Variants in PCCB observed in about 807,000 individuals in gnomAD.
The protein encoded by PCCB is propionyl-CoA carboxylase subunit beta, also known as propionyl-CoA carboxylase beta chain, mitochondrial.
In PCCB, 43 loss-of-function variants were observed where a neutral mutation model predicts 60.7. The ratio of observed to expected loss-of-function variants is 0.71; its 90% CI spans 0.55 to 0.91. PCCB has a LOEUF of 0.91. Among genes scored for constraint, PCCB ranks in the 40% least tolerant of loss-of-function variants. The pLI, the probability that PCCB is intolerant of heterozygous loss-of-function variation, is 0.00. For synonymous variants in PCCB, 276 were observed against 255.9 expected, an observed-to-expected ratio of 1.08 and a Z score of -0.75; for missense variants, 766 against 702.8, an observed-to-expected ratio of 1.09 and a Z score of -1.02.
intron 10 of PCCB, chr3:136,326,393 A>G (rs1389981653): frequency 2.8e-6 from 2 of 702,818 alleles, no homozygotes; most frequent in Non-Finnish European, 2.6e-6. Flanking sequence ...CAGGTAAGGA[A>G]CCTTAGGTCA....
chr3:136,276,896 A>G (rs1342050050), intron 5 of PCCB, among the ~76,000 whole-genome samples: 15 of 152,312 alleles, frequency 9.8e-5, no homozygotes, highest in African/African-American at 3.6e-4. Context: ...CTTTTGTCCC[A>G]TGGGGTATTC....
rs113283780 is a variant in PCCB, at chr3:136,283,652, A to G, written c.544-185A>G. Among the ~76,000 whole-genome samples, 615 of 152,302 alleles carry G rather than the reference A, an allele frequency of 4.0e-3. 1 individual carries two copies. Among genetic ancestry groups the G allele is most frequent in the Non-Finnish European group, 6.1e-3 (417 of 68,026 alleles). ...CAGAAAGTAATATGCTGACCATCCT[A>G]CCAGTTACGGGGAGAAAATGCACAT... On this transcript the variant is annotated intron_variant, in intron 5 of 14. Transcript: ENST00000251654.
At chr3:136,255,804 C>A in intron 1 of PCCB, 52 bp from the exon 2 acceptor site, 2 of 1,538,530 alleles carry the variant, frequency 1.3e-6, no homozygotes, top group Non-Finnish European at 1.8e-6. Context: ...CCTTGCTTTG[C>A]TTACTAAATT....
At chr3:136,311,774 A>G (rs764053046) in intron 9 of PCCB, among the ~76,000 whole-genome samples, 16 of 152,318 alleles carry the variant, frequency 1.1e-4, no homozygotes, top group African/African-American at 3.6e-4. Context: ...ATCCTGGGCA[A>G]CATAGTGAGA....
intron 5 of PCCB, among the ~76,000 whole-genome samples, chr3:136,263,254 G>GGT (rs372863955): frequency 4.8e-5 from 6 of 125,940 alleles, no homozygotes; most frequent in East Asian, 2.3e-4. Flanking sequence ...CGCCCAGCTG[G>GGT]TTTTTTTTTT....
chr3:136,309,098 A>C (rs1424310694), intron 9 of PCCB, among the ~76,000 whole-genome samples: 2 of 151,970 alleles, frequency 1.3e-5, no homozygotes, highest in African/African-American at 4.8e-5. Context: ...CCCCGTCTCT[A>C]CTAAAATACA....
intron 6 of PCCB, among the ~76,000 whole-genome samples, chr3:136,286,661 ACTT>A (rs1933425263): frequency 6.6e-6 from 1 of 152,108 alleles, no homozygotes; most frequent in African/African-American, 2.4e-5. Flanking sequence ...ACGACTACTT[ACTT>A]CTTACTAACA....
chr3:136,323,581 C>T (rs185200340), intron 10 of PCCB, among the ~76,000 whole-genome samples: 6 of 152,148 alleles, frequency 3.9e-5, no homozygotes, highest in East Asian at 1.9e-4. Context: ...GTCAAGAGTT[C>T]GAGACCAACC....
intron 9 of PCCB, among the ~76,000 whole-genome samples, chr3:136,308,077 A>G (rs1349193824): frequency 1.3e-5 from 2 of 152,158 alleles, no homozygotes; most frequent in African/African-American, 4.8e-5. Flanking sequence ...CTAATTTGTT[A>G]TGGACCAATT....
intron 6 of PCCB, among the ~76,000 whole-genome samples, chr3:136,288,415 A>G (rs9843348): frequency 0.37 from 56,474 of 151,614 alleles, 11,595 homozygotes; most frequent in African/African-American, 0.55. Context: ...GTGTGATCTC[A>G]GCTCACTGCA....
rs566237099 is a variant in PCCB, at chr3:136,274,592, A to G, written c.544-9245A>G. Among the ~76,000 whole-genome samples, 10 of 152,264 alleles carry G rather than the reference A, an allele frequency of 6.6e-5. No individual in the cohort carries two copies. The South Asian group carries it at 1.4e-3, about 22-fold the overall frequency. On this transcript the variant is annotated intron_variant, in intron 5 of 14. Coordinates refer to ENST00000251654, the MANE Select transcript of PCCB (RefSeq NM_000532.5). ...GTTGACTTTAGATAGCCCGATGACT[A>G]TGTGCCTTGGTGATAATCTTTTTGC...
rs1259165369 is a variant in PCCB, at chr3:136,306,946, G to A, written c.966+5835G>A. Among the ~76,000 whole-genome samples, 2 of 122,712 alleles carry A rather than the reference G, an allele frequency of 1.6e-5. 1 individual carries two copies. The highest frequency in any genetic ancestry group is 3.6e-5 in the Non-Finnish European group (2 of 55,074). The allele number at this position is 122,712 out of a possible 152,430, so 80.5% of individuals were successfully genotyped here. On this transcript the variant is annotated intron_variant, in intron 9 of 14. Transcript: ENST00000251654. ...TGTCAAACTAGAGAAAATATTAACTGTTCGATTTTTAAAATAAGGAGAAAT... is the reference window on the plus strand; with the variant it reads ...TGTCAAACTAGAGAAAATATTAACTATTCGATTTTTAAAATAAGGAGAAAT...
intron 11 of PCCB, 43 bp from the exon 12 acceptor site, chr3:136,327,112 T>A: frequency 6.5e-7 from 1 of 1,546,742 alleles, no homozygotes. Flanking sequence ...AGGATAACCA[T>A]GTGAGGACTT....
At chr3:136,316,245 A>T (rs1576352233) in intron 9 of PCCB, among the ~76,000 whole-genome samples, 1 of 151,756 alleles carries the variant, frequency 6.6e-6, no homozygotes, top group African/African-American at 2.4e-5. Flanking sequence ...AAAAAAGCAG[A>T]ATAGTTTGTA....
chr3:136,263,624 A>G (rs749342925), intron 5 of PCCB, among the ~76,000 whole-genome samples: 1 of 152,076 alleles, frequency 6.6e-6, no homozygotes, highest in Non-Finnish European at 1.5e-5. Context: ...TCATTGCTTA[A>G]TTAATTGCTT....
intron 6 of PCCB, among the ~76,000 whole-genome samples, chr3:136,293,312 A>G (rs546570703): frequency 4.6e-5 from 7 of 152,352 alleles, no homozygotes; most frequent in South Asian, 2.1e-4. Flanking sequence ...TGATTTATCA[A>G]TATTTTTAAG....
At chr3:136,281,163 T>A (rs563967719) in intron 5 of PCCB, among the ~76,000 whole-genome samples, 1 of 152,098 alleles carries the variant, frequency 6.6e-6, no homozygotes, top group African/African-American at 2.4e-5. Context: ...TGTATACTTA[T>A]GTCTTTCATC....
At chr3:136,274,292 CTT>C (rs1200587435) in intron 5 of PCCB, among the ~76,000 whole-genome samples, 1 of 151,884 alleles carries the variant, frequency 6.6e-6, no homozygotes, top group African/African-American at 2.4e-5. Context: ...ATGTAGAACT[CTT>C]CTGAAGAGTA....
intron 5 of PCCB, among the ~76,000 whole-genome samples, chr3:136,269,656 TG>T (rs1403948376): frequency 1.3e-5 from 2 of 151,814 alleles, no homozygotes; most frequent in Non-Finnish European, 1.5e-5. Flanking sequence ...GAGGCCGAGG[TG>T]GGCATATCAC....
Sources: allele counts gnomAD v4.1 joint callset (sites outside exome capture counted in the v4.1 genomes callset), GRCh38; gene constraint gnomAD v4.1.1; transcripts MANE v1.5; gene names NCBI Gene and HGNC (gene_info 2026-07-23, HGNC 2026-07-21).